PRIM2: variants seen among roughly 807,000 people sequenced by gnomAD.
The protein encoded by PRIM2 is DNA primase large subunit.
In PRIM2, 39 loss-of-function variants were observed where a neutral mutation model predicts 67.3. That is an observed-to-expected ratio of 0.58 (90% CI 0.45 to 0.76). The LOEUF is 0.76. Ranked by LOEUF, PRIM2 falls within the 30% of genes least tolerant of loss-of-function variation. PRIM2 has a pLI of 0.00. For missense variants in PRIM2, 398 were observed against 598.7 expected (o/e 0.66, Z 3.50); for synonymous variants, 143 against 198.7 (o/e 0.72, Z 2.36).
intron 10 of PRIM2, among the ~76,000 whole-genome samples, chr6:57,553,448 T>G (rs1475434048): frequency 2.0e-5 from 3 of 152,124 alleles, no homozygotes; most frequent in Non-Finnish European, 4.4e-5. Context: ...TCATTTTAAT[T>G]AGTGTATTTG....
chr6:57,336,571 AAGAATTTTC>A (rs1162497750), intron 5 of PRIM2, among the ~76,000 whole-genome samples: 3 of 152,172 alleles, frequency 2.0e-5, no homozygotes, highest in African/African-American at 7.2e-5. Flanking sequence ...TCTTAAAGAA[AAGAATTTTC>A]AACCCAGAAT....
At chr6:57,503,585 T>C (rs1554347070) in intron 7 of PRIM2, among the ~76,000 whole-genome samples, 6 of 151,910 alleles carry the variant, frequency 3.9e-5, no homozygotes, top group Non-Finnish European at 7.4e-5. Flanking sequence ...CCCATCTCTA[T>C]TAAAAATACA....
the PRIM2 span, among the ~76,000 whole-genome samples, chr6:57,263,605 T>G: frequency 2.6e-5 from 4 of 152,298 alleles, no homozygotes; most frequent in Admixed American, 2.6e-4. Flanking sequence ...AGGCCCTGTT[T>G]CCAAATGAAG....
intron 10 of PRIM2, among the ~76,000 whole-genome samples, chr6:57,549,048 A>G (rs1208899138): frequency 5.9e-5 from 9 of 152,190 alleles, no homozygotes; most frequent in Non-Finnish European, 8.8e-5. Context: ...ATCTTAGGAG[A>G]TAAGTATTAT....
At chr6:57,388,339 G>A (rs796827671) in intron 7 of PRIM2, among the ~76,000 whole-genome samples, 5 of 152,140 alleles carry the variant, frequency 3.3e-5, no homozygotes, top group African/African-American at 9.7e-5. Context: ...TCTAGATAGT[G>A]GCTTGAAATG....
chr6:57,247,451 G>C, the PRIM2 span, among the ~76,000 whole-genome samples: 1 of 152,172 alleles, frequency 6.6e-6, no homozygotes, highest in Non-Finnish European at 1.5e-5. Flanking sequence ...AGATTAAAAA[G>C]TATTATGAAA....
chr6:57,339,621 A>C (rs1026486063), intron 5 of PRIM2, among the ~76,000 whole-genome samples: 38 of 152,188 alleles, frequency 2.5e-4, no homozygotes, highest in Admixed American at 9.2e-4. Context: ...TTCCCTATTT[A>C]ATAAATGGTG....
rs1371912575 is a variant in PRIM2 at position 57,628,879 on chromosome 6, C to T, written c.1231-3254C>T. ...GCATAAGTATCTTGTGGAAATTTGA[C>T]CCTAAATTCTGTTTCACGCAGTGTA... On this transcript the variant is annotated intron_variant, in intron 12 of 13. Transcript: ENST00000615550. Among the ~76,000 whole-genome samples, 3 of 152,018 alleles carry T rather than the reference C, an allele frequency of 2.0e-5. No homozygotes were observed. The East Asian group carries it at 5.8e-4, about 29-fold the overall frequency.
At chr6:57,543,266 G>A (rs1370694488) in intron 10 of PRIM2, among the ~76,000 whole-genome samples, 1 of 152,122 alleles carries the variant, frequency 6.6e-6, no homozygotes, top group Non-Finnish European at 1.5e-5. Flanking sequence ...GATTATAGAA[G>A]ATGTTAAACA....
At chr6:57,504,559 GC>G (rs1293087931) in intron 7 of PRIM2, among the ~76,000 whole-genome samples, 1 of 152,234 alleles carries the variant, frequency 6.6e-6, no homozygotes, top group East Asian at 1.9e-4. Context: ...TATAAGTTAT[GC>G]CAAATTCTAT....
At chr6:57,437,702 G>A (rs983457179) in intron 7 of PRIM2, among the ~76,000 whole-genome samples, 10 of 131,238 alleles carry the variant, frequency 7.6e-5, no homozygotes, top group African/African-American at 2.9e-4. Context: ...GTCTTACTCT[G>A]TCATTCAGGC....
At chr6:57,376,214 T>C (rs1769758966) in intron 5 of PRIM2, among the ~76,000 whole-genome samples, 1 of 152,112 alleles carries the variant, frequency 6.6e-6, no homozygotes, top group African/African-American at 2.4e-5. Flanking sequence ...GGGTCTCACT[T>C]AGTCGCCCAG....
chr6:57,378,200 A>AC (rs1396355943), intron 5 of PRIM2, among the ~76,000 whole-genome samples: 1 of 151,786 alleles, frequency 6.6e-6, no homozygotes, highest in Admixed American at 6.6e-5. Flanking sequence ...AGCTGAGATA[A>AC]CAAGTGTATA....
At chr6:57,361,165 A>G (rs1769186249) in intron 5 of PRIM2, among the ~76,000 whole-genome samples, 1 of 152,160 alleles carries the variant, frequency 6.6e-6, no homozygotes, top group Non-Finnish European at 1.5e-5. Flanking sequence ...AGAGGAATAG[A>G]AGGAAAGCTA....
At chr6:57,558,218 GTGTC>G (rs1229861189) in intron 10 of PRIM2, among the ~76,000 whole-genome samples, 22 of 152,214 alleles carry the variant, frequency 1.4e-4, no homozygotes, top group Middle Eastern at 3.2e-3. Context: ...TATTAGCACA[GTGTC>G]TGATACATAG....
intron 7 of PRIM2, among the ~76,000 whole-genome samples, chr6:57,388,897 A>G (rs1274405328): frequency 2.0e-5 from 3 of 152,152 alleles, no homozygotes; most frequent in African/African-American, 7.2e-5. Flanking sequence ...ATGTGCAGCC[A>G]TGAGACTCCA....
At chr6:57,224,786 C>A in the PRIM2 span, among the ~76,000 whole-genome samples, 1 of 152,236 alleles carries the variant, frequency 6.6e-6, no homozygotes, top group East Asian at 1.9e-4. Flanking sequence ...TGAAGGAGAT[C>A]CAGAATATGC....
chr6:57,269,992 A>C, the PRIM2 span, among the ~76,000 whole-genome samples: 3 of 151,872 alleles, frequency 2.0e-5, no homozygotes, highest in South Asian at 2.1e-4. Context: ...TGGTCTATAT[A>C]TCTGTTTTGG....
At chr6:57,272,825 G>A in the PRIM2 span, among the ~76,000 whole-genome samples, 16 of 152,116 alleles carry the variant, frequency 1.1e-4, no homozygotes, top group Non-Finnish European at 5.9e-5. Context: ...AGGCCTGATG[G>A]TGACAAAATC....
Sources: gnomAD v4.1 joint callset for allele counts (sites outside exome capture counted in the v4.1 genomes callset) on GRCh38, gnomAD v4.1.1 for gene constraint, MANE v1.5 for transcripts, NCBI Gene and HGNC (gene_info 2026-07-23, HGNC 2026-07-21) for gene names.